Variants in MEGF11 observed in about 807,000 individuals in gnomAD.
MEGF11 encodes multiple EGF like domains 11.
A neutral mutation model predicts 146.6 loss-of-function variants in MEGF11; 126 were observed. The ratio of observed to expected loss-of-function variants is 0.86; its 90% CI spans 0.74 to 1.00. MEGF11 has a LOEUF of 1.00. MEGF11 is among the 50% of genes least tolerant of loss of function. MEGF11 has a pLI of 0.00. For synonymous variants in MEGF11, 532 were observed against 583.4 expected (o/e 0.91, Z 1.27); for missense variants, 1,509 against 1,521.2 (o/e 0.99, Z 0.13).
At chr15:66,140,816 C>A (rs911267303) in intron 1 of MEGF11, among the ~76,000 whole-genome samples, 13 of 152,168 alleles carry the variant, frequency 8.5e-5, no homozygotes, top group Non-Finnish European at 7.3e-5. Flanking sequence ...GTGTGCACAG[C>A]TGGCAGGAAG....
intron 1 of MEGF11, among the ~76,000 whole-genome samples, chr15:66,231,825 AT>A (rs1267004446): frequency 6.6e-6 from 1 of 152,172 alleles, no homozygotes; most frequent in Non-Finnish European, 1.5e-5. Context: ...GAAAAATACA[AT>A]TTGCTTTGTG....
chr15:66,032,175 T>A (rs2083546628), intron 5 of MEGF11, among the ~76,000 whole-genome samples: 1 of 152,230 alleles, frequency 6.6e-6, no homozygotes, highest in South Asian at 2.1e-4. Context: ...AGGCTGGGGA[T>A]TGCTGCTTTA....
intron 5 of MEGF11, among the ~76,000 whole-genome samples, chr15:65,995,848 G>C (rs1329538029): frequency 6.6e-6 from 1 of 152,104 alleles, no homozygotes; most frequent in Non-Finnish European, 1.5e-5. Flanking sequence ...AGGACGTCCA[G>C]GGCAGTGGCA....
intron 5 of MEGF11, among the ~76,000 whole-genome samples, chr15:65,984,755 TTTAC>T (rs994279416): frequency 4.7e-5 from 7 of 150,322 alleles, no homozygotes; most frequent in African/African-American, 1.7e-4. Context: ...ACAACCACAT[TTTAC>T]TTATTTATTT....
chr15:66,227,433 T>A (rs1338114155), intron 1 of MEGF11, among the ~76,000 whole-genome samples: 1 of 152,186 alleles, frequency 6.6e-6, no homozygotes, highest in Non-Finnish European at 1.5e-5. Flanking sequence ...TGAGGTATTA[T>A]TTTCCCCATT....
chr15:66,110,308 G>C (rs2087324677), intron 4 of MEGF11, among the ~76,000 whole-genome samples: 3 of 152,218 alleles, frequency 2.0e-5, no homozygotes, highest in Admixed American at 2.0e-4. Context: ...ATTGGTATCA[G>C]GGTTAAGCAT....
chr15:65,988,149 A>C (rs182938705), intron 5 of MEGF11, among the ~76,000 whole-genome samples: 13 of 152,042 alleles, frequency 8.6e-5, no homozygotes, highest in African/African-American at 3.1e-4. Flanking sequence ...CTGGGACTAC[A>C]GGCGTGCATC....
At chr15:66,025,160 T>G (rs1174549175) in intron 5 of MEGF11, among the ~76,000 whole-genome samples, 1 of 152,198 alleles carries the variant, frequency 6.6e-6, no homozygotes, top group Non-Finnish European at 1.5e-5. Context: ...AGAGCCAAAT[T>G]GAACTCTCTC....
intron 5 of MEGF11, among the ~76,000 whole-genome samples, chr15:66,009,712 C>G (rs1248337496): frequency 6.6e-6 from 1 of 151,962 alleles, no homozygotes; most frequent in Non-Finnish European, 1.5e-5. Context: ...CCTGCCTCAG[C>G]CTCCCGAGTA....
At position 65,957,780 on chromosome 15, in the gene MEGF11, G is replaced by A. The variant is rs969658165; in HGVS notation, c.1113-59C>T. The A allele has an allele frequency of 2.8e-5, 44 of 1,552,460 alleles. 1 individual carries two copies. Among genetic ancestry groups the A allele is most frequent in the South Asian group, 1.4e-4 (12 of 87,564 alleles). ...TGTTCTGGGAAGCAGCCATGTCCCCGCCCTCTGTCTACCCCAAGCCTGGCT... is the reference window on the plus strand; with the variant it reads ...TGTTCTGGGAAGCAGCCATGTCCCCACCCTCTGTCTACCCCAAGCCTGGCT... On this transcript the variant is annotated intron_variant, in intron 9 of 25. Transcript: ENST00000395614.
intron 5 of MEGF11, among the ~76,000 whole-genome samples, chr15:66,040,014 C>T (rs1242149310): frequency 1.3e-5 from 2 of 151,526 alleles, no homozygotes; most frequent in Admixed American, 6.6e-5. Context: ...GGTGGGGTGA[C>T]GGTCAGCCTT....
chr15:66,114,598 C>T (rs112581555), intron 4 of MEGF11, among the ~76,000 whole-genome samples: 2 of 152,306 alleles, frequency 1.3e-5, no homozygotes, highest in African/African-American at 4.8e-5. Context: ...GCTCCATCTG[C>T]AGAGGCAAAA....
At chr15:65,937,301 G>A (rs1384160237) in intron 10 of MEGF11, among the ~76,000 whole-genome samples, 1 of 152,166 alleles carries the variant, frequency 6.6e-6, no homozygotes, top group Non-Finnish European at 1.5e-5. Flanking sequence ...TGGGGAGTTT[G>A]CATTTGGCAT....
chr15:65,922,384 G>A lies in MEGF11; in HGVS notation c.1911C>T (p.Gly637=), dbSNP rs2079201952. The A allele has an allele frequency of 1.2e-6, 2 of 1,602,626 alleles. No homozygotes were observed. The highest frequency in any genetic ancestry group is 1.1e-5 in the South Asian group (1 of 88,296). Residue 637 remains glycine, a synonymous_variant, in exon 15 of 26, where the codon GGC becomes GGT. Coordinates refer to ENST00000395614, the MANE Select transcript of MEGF11 (RefSeq NM_001385028.1). ...AGAATCCTGGGAGGCACTCACAGATGCCGCTGATGTGGTGGCAGGGCCTGC... is the reference window on the plus strand; with the variant it reads ...AGAATCCTGGGAGGCACTCACAGATACCGCTGATGTGGTGGCAGGGCCTGC... ...HSSRPCHHIS[G]ICECLPGFSG...
At chr15:66,172,768 A>G (rs2090295214) in intron 1 of MEGF11, among the ~76,000 whole-genome samples, 1 of 152,154 alleles carries the variant, frequency 6.6e-6, no homozygotes, top group Non-Finnish European at 1.5e-5. Context: ...CTGGAACCCT[A>G]CGGGAACCCT....
chr15:66,060,718 A>T (rs1021975046), intron 5 of MEGF11, among the ~76,000 whole-genome samples: 2 of 152,216 alleles, frequency 1.3e-5, no homozygotes, highest in Non-Finnish European at 2.9e-5. Context: ...GCTCCTGAGG[A>T]GAGACCACAT....
intron 1 of MEGF11, among the ~76,000 whole-genome samples, chr15:66,171,571 T>C (rs2090257466): frequency 6.6e-6 from 1 of 152,160 alleles, no homozygotes; most frequent in Non-Finnish European, 1.5e-5. Flanking sequence ...TGGGTCACCC[T>C]GTGCACGTCT....
intron 11 of MEGF11, among the ~76,000 whole-genome samples, 188 bp downstream of exon 11, chr15:65,930,635 A>G (rs1208389235): frequency 6.6e-6 from 1 of 151,906 alleles, no homozygotes; most frequent in African/African-American, 2.4e-5. Flanking sequence ...GAATCCCCTC[A>G]TTACATTCCT....
intron 5 of MEGF11, among the ~76,000 whole-genome samples, chr15:66,085,777 C>T (rs190979830): frequency 6.6e-6 from 1 of 152,242 alleles, no homozygotes; most frequent in East Asian, 1.9e-4. Flanking sequence ...TCTTCAACAC[C>T]CCTAAAAAAT....
Sources: allele counts gnomAD v4.1 joint callset (sites outside exome capture counted in the v4.1 genomes callset), GRCh38; gene constraint gnomAD v4.1.1; transcripts MANE v1.5; gene names NCBI Gene and HGNC (gene_info 2026-07-23, HGNC 2026-07-21).